IDE: variants seen among roughly 807,000 people sequenced by gnomAD.
IDE encodes insulin-degrading enzyme.
IDE carries 58 observed loss-of-function variants against 133.2 expected under a neutral mutation model. The observed-to-expected ratio is 0.44, with a 90% CI of 0.35 to 0.54. The LOEUF (loss-of-function observed/expected upper bound fraction) is 0.54. Ranked by LOEUF, IDE falls within the 20% of genes least tolerant of loss-of-function variation. The pLI is 0.00. For missense variants in IDE, 981 were observed against 1,234.0 expected (o/e 0.79, Z 3.07); for synonymous variants, 396 against 421.3 (o/e 0.94, Z 0.73).
intron 17 of IDE, chr10:92,474,548 A>G (rs1198085174): frequency 5.6e-6 from 1 of 177,832 alleles, no homozygotes. Flanking sequence ...TATTATATAT[A>G]CATATAATGT....
intron 1 of IDE, among the ~76,000 whole-genome samples, chr10:92,569,728 A>AAATG (rs1843702376): frequency 6.6e-6 from 1 of 152,236 alleles, no homozygotes; most frequent in South Asian, 2.1e-4. Flanking sequence ...TAATCAATTA[A>AAATG]GTTATGCAGT....
intron 1 of IDE, among the ~76,000 whole-genome samples, chr10:92,568,575 G>A (rs1450776750): frequency 1.3e-5 from 2 of 152,184 alleles, no homozygotes; most frequent in Admixed American, 1.3e-4. Context: ...CAGCACTTTG[G>A]GAGGCTGAGG....
intron 14 of IDE, among the ~76,000 whole-genome samples, chr10:92,481,528 T>C (rs1846607437): frequency 6.6e-6 from 1 of 152,234 alleles, no homozygotes; most frequent in African/African-American, 2.4e-5. Context: ...AGGATTCAAC[T>C]GGGATACCTA....
intron 4 of IDE, 53 bp downstream of exon 4, chr10:92,531,695 T>A: frequency 1.1e-6 from 1 of 924,344 alleles, no homozygotes; most frequent in Non-Finnish European, 1.6e-6. Flanking sequence ...AATATAATAC[T>A]ATGCAGTGGC....
At chr10:92,560,242 T>C (rs1843211031) in intron 1 of IDE, among the ~76,000 whole-genome samples, 1 of 152,218 alleles carries the variant, frequency 6.6e-6, no homozygotes, top group African/African-American at 2.4e-5. Flanking sequence ...ACCGTGTATC[T>C]GACTGGCCAG....
chr10:92,510,797 T>C (rs1307001873), intron 5 of IDE, among the ~76,000 whole-genome samples: 1 of 150,962 alleles, frequency 6.6e-6, no homozygotes, highest in Non-Finnish European at 1.5e-5. Context: ...ACATGATATA[T>C]AGCACATACA....
chr10:92,537,351 A>T lies in IDE; in HGVS notation c.283+15T>A. 1 of 1,575,444 alleles carries T rather than the reference A, an allele frequency of 6.3e-7. No individual in the cohort carries two copies. On this transcript the variant is annotated intron_variant, in intron 2 of 24. Coordinates refer to ENST00000265986, the MANE Select transcript of IDE (RefSeq NM_004969.4). ...TGAAACAAAACAAAGCTTAATTCAC[A>T]ATTTTCAATTGTACCTATGTGCACA...
At chr10:92,467,218 G>A (rs969699694) in intron 19 of IDE, among the ~76,000 whole-genome samples, 10 of 152,010 alleles carry the variant, frequency 6.6e-5, no homozygotes, top group African/African-American at 1.9e-4. Flanking sequence ...ACAGGTGTGC[G>A]CCACTATGCC....
chr10:92,504,987 T>C (rs1848219276), intron 10 of IDE, 90 bp from the exon 11 acceptor site: 1 of 625,830 alleles, frequency 1.6e-6, no homozygotes, highest in Non-Finnish European at 2.7e-6. Context: ...AATTCATTAC[T>C]GTACACCCTT....
At chr10:92,527,320 C>G (rs1333706003) in intron 4 of IDE, among the ~76,000 whole-genome samples, 1 of 152,040 alleles carries the variant, frequency 6.6e-6, no homozygotes, top group Non-Finnish European at 1.5e-5. Flanking sequence ...TTCATGCACC[C>G]CTGCTTCAAT....
chr10:92,501,767 G>A (rs995878971), intron 11 of IDE, among the ~76,000 whole-genome samples: 3 of 152,032 alleles, frequency 2.0e-5, no homozygotes, highest in African/African-American at 7.2e-5. Flanking sequence ...CTGAGGTCAG[G>A]AGTTCGAGAC....
intron 4 of IDE, among the ~76,000 whole-genome samples, chr10:92,524,372 A>AT (rs1849430006): frequency 2.2e-5 from 2 of 91,300 alleles, no homozygotes; most frequent in South Asian, 2.6e-4. Flanking sequence ...ATTATAATAT[A>AT]TATTATATAT....
At chr10:92,472,874 G>C (rs1846039843) in intron 17 of IDE, among the ~76,000 whole-genome samples, 1 of 150,968 alleles carries the variant, frequency 6.6e-6, no homozygotes, top group East Asian at 1.9e-4. Flanking sequence ...TTGACCTTGT[G>C]ATCCGCCCGC....
rs145942816 is a variant in IDE at position 92,550,608 on chromosome 10, G to A, written c.99-13058C>T. On this transcript the variant is annotated intron_variant, in intron 1 of 24. Coordinates refer to ENST00000265986, the MANE Select transcript of IDE (RefSeq NM_004969.4). ...GGAGCTTGCAGTGAGCAGAGATAGC[G>A]CCACTACACTCCAGCCTGGGCAACA... 4.0e-3 allele frequency among the ~76,000 whole-genome samples: 530 copies of A among 133,898 alleles called. 6 individuals carry two copies. The highest frequency in any genetic ancestry group is 0.031 in the Admixed American group (358 of 11,406). The allele number at this position is 133,898 out of a possible 152,430, so 87.8% of individuals were successfully genotyped here. A position where few individuals can be genotyped will look rare whatever the true frequency, so the allele number is the denominator to read the frequency against.
intron 11 of IDE, among the ~76,000 whole-genome samples, chr10:92,492,320 AAAGAT>A (rs1445084246): frequency 1.3e-5 from 2 of 152,142 alleles, no homozygotes; most frequent in Non-Finnish European, 2.9e-5. Flanking sequence ...AGTGATGTCA[AAAGAT>A]AAGTGAACAA....
chr10:92,539,494 G>A (rs745630656), intron 1 of IDE, among the ~76,000 whole-genome samples: 14 of 151,902 alleles, frequency 9.2e-5, no homozygotes, highest in South Asian at 2.1e-4. Context: ...AGCCAGGCAC[G>A]GTGGCTCGCG....
At chr10:92,501,361 T>TCAAAAA (rs1564627755) in intron 11 of IDE, among the ~76,000 whole-genome samples, 2 of 30,940 alleles carry the variant, frequency 6.5e-5, no homozygotes, top group African/African-American at 3.8e-4. Context: ...GACTCTGTCA[T>TCAAAAA]TAAAAAAAAA....
intron 11 of IDE, among the ~76,000 whole-genome samples, chr10:92,498,526 C>A (rs984676900): frequency 6.6e-6 from 1 of 151,944 alleles, no homozygotes; most frequent in African/African-American, 2.4e-5. Flanking sequence ...GAGGCCGAGG[C>A]AGGTGGATCA....
At chr10:92,532,522 T>G (rs1849996333) in intron 3 of IDE, among the ~76,000 whole-genome samples, 1 of 152,306 alleles carries the variant, frequency 6.6e-6, no homozygotes, top group South Asian at 2.1e-4. Flanking sequence ...ATTATGGGCG[T>G]TTATGAAATC....
Sources: allele counts gnomAD v4.1 joint callset (sites outside exome capture counted in the v4.1 genomes callset), GRCh38; gene constraint gnomAD v4.1.1; transcripts MANE v1.5; gene names NCBI Gene and HGNC (gene_info 2026-07-23, HGNC 2026-07-21).